Variants in TMEM183A observed in about 807,000 individuals in gnomAD.
The protein encoded by TMEM183A is transmembrane protein 183A.
A neutral mutation model predicts 46.7 loss-of-function variants in TMEM183A; 21 were observed. The observed-to-expected ratio is 0.45, with a 90% confidence interval of 0.32 to 0.65. The LOEUF (loss-of-function observed/expected upper bound fraction) is 0.65, where lower values mean the gene tolerates loss of function less well. TMEM183A is among the 30% of genes least tolerant of loss of function. The probability of loss-of-function intolerance (pLI) is 0.04; values close to 1 mark genes in which losing one functional copy is unlikely to be tolerated. For missense variants in TMEM183A, 331 were observed against 481.9 expected, an observed-to-expected ratio of 0.69 and a Z score of 2.93; for synonymous variants, 165 against 180.2, an observed-to-expected ratio of 0.92 and a Z score of 0.68.
At chr1:203,007,684 G>A (rs1310763773) in intron 1 of TMEM183A, 90 bp from the exon 2 acceptor site, 3 of 1,573,448 alleles carry the variant, frequency 1.9e-6, no homozygotes, top group East Asian at 2.3e-5. Context: ...GGGCGGCTCG[G>A]TCCGGGGGCC....
intron 3 of TMEM183A, among the ~76,000 whole-genome samples, chr1:203,014,624 CAA>C (rs71142584): frequency 2.0e-5 from 3 of 147,692 alleles, no homozygotes; most frequent in African/African-American, 5.0e-5. Flanking sequence ...GACTCTGTCC[CAA>C]AAAAAAAAAG....
Position 203,024,003 on chromosome 1 carries a change from T to C in TMEM183A, c.*963T>C, listed in dbSNP as rs566986223. 1 of 152,382 alleles carries C rather than the reference T, an allele frequency of 6.6e-6. No homozygotes were observed. The highest frequency in any genetic ancestry group is 2.1e-4 in the South Asian group (1 of 4,834). 9.4% of individuals were successfully genotyped at this position (152,382 alleles called of 1,614,324 possible). On this transcript the variant is annotated 3_prime_UTR_variant, in exon 8 of 8. Coordinates refer to ENST00000367242, the MANE Select transcript of TMEM183A (RefSeq NM_138391.6). The stretch of plus-strand genomic sequence containing the variant: ...TTAGAAGATTGATGAAATGATCTTT[T>C]AAATATGTATTTCTGAATAAAATGT...
intron 7 of TMEM183A, among the ~76,000 whole-genome samples, chr1:203,021,168 G>T (rs544343004): frequency 6.6e-6 from 1 of 151,742 alleles, no homozygotes. Context: ...AAGTAGTTAG[G>T]ACTACAGGTG....
chr1:203,016,511 G>GA (rs778684664), intron 5 of TMEM183A, among the ~76,000 whole-genome samples: 114 of 152,314 alleles, frequency 7.5e-4, no homozygotes, highest in Non-Finnish European at 1.3e-3. Flanking sequence ...TCACAGTACA[G>GA]AGGTATAACA....
rs759275192 is a variant in TMEM183A at position 203,007,459 on chromosome 1, C to T, written c.-7C>T. On this transcript the variant is annotated 5_prime_UTR_variant, in exon 1 of 8. Coordinates refer to ENST00000367242, the MANE Select transcript of TMEM183A (RefSeq NM_138391.6). ...CGGCTCCCGGGGCCGGCTCTCCGGC[C>T]GGAGACATGGCCCGGGGGCCCGGCC... 21 of 1,425,564 alleles carry T rather than the reference C, an allele frequency of 1.5e-5. No homozygotes were observed. The South Asian group carries it at 2.4e-4, about 17-fold the overall frequency. The allele number at this position is 1,425,564 out of a possible 1,614,324, so 88.3% of individuals were successfully genotyped here.
At chr1:203,012,670 C>T (rs551164363) in intron 3 of TMEM183A, among the ~76,000 whole-genome samples, 5 of 152,256 alleles carry the variant, frequency 3.3e-5, no homozygotes, top group African/African-American at 1.2e-4. Context: ...TGTAATAGCA[C>T]TCTGCTTTGT....
intron 3 of TMEM183A, among the ~76,000 whole-genome samples, chr1:203,012,144 T>C (rs1656664092): frequency 1.2e-5 from 1 of 82,850 alleles, no homozygotes; most frequent in South Asian, 4.5e-4. Context: ...TACCCCCCAC[T>C]CCATCACACA....
chr1:203,018,312 G>A (rs1325731411), intron 5 of TMEM183A, among the ~76,000 whole-genome samples, 169 bp from the exon 6 acceptor site: 1 of 152,204 alleles, frequency 6.6e-6, no homozygotes. Context: ...TGTTGCACCA[G>A]TGTCAACTTG....
At chr1:203,009,330 A>AT (rs1656321533) in intron 3 of TMEM183A, among the ~76,000 whole-genome samples, 2 of 152,300 alleles carry the variant, frequency 1.3e-5, no homozygotes, top group African/African-American at 2.4e-5. Flanking sequence ...AAAGTAGGTG[A>AT]TTTTTTTATA....
rs149612965 is a variant in TMEM183A at position 203,012,880 on chromosome 1, C to A, written c.368-2009C>A. 5.9e-3 allele frequency among the ~76,000 whole-genome samples: 899 copies of A among 152,262 alleles called. 4 individuals carry two copies. Among genetic ancestry groups the A allele is most frequent in the Non-Finnish European group, 6.9e-3 (468 of 68,026 alleles). On this transcript the variant is annotated intron_variant, in intron 3 of 7. Transcript: ENST00000367242. ...GAGTAGCAGAGACTACAGGCATGCA[C>A]CACCATGGCTGGCTAATTTTTAAGT...
At position 203,023,890 on chromosome 1, in the gene TMEM183A, G is replaced by A. The variant is rs1274774493; in HGVS notation, c.*850G>A. The A allele has an allele frequency of 6.6e-6, 1 of 152,158 alleles. No individual in the cohort carries two copies. The highest frequency in any genetic ancestry group is 1.5e-5 in the Non-Finnish European group (1 of 68,034). 9.4% of individuals were successfully genotyped at this position (152,158 alleles called of 1,614,324 possible). A position where few individuals can be genotyped will look rare whatever the true frequency, so the allele number is the denominator to read the frequency against. On this transcript the variant is annotated 3_prime_UTR_variant, in exon 8 of 8. Coordinates refer to ENST00000367242, the MANE Select transcript of TMEM183A (RefSeq NM_138391.6). ...TTGTGGTAGATGGTGGTAAAAAGGA[G>A]TAGGCAGAGTGTACATAGATAAAAA...
rs993159495 is a variant in TMEM183A, at chr1:203,023,201, G to A, written c.*161G>A. ...GGAGGGAGAAATGTTGAATCAAGAGGGAAAACAACTACTATGATTTATAAA... is the reference window on the plus strand; with the variant it reads ...GGAGGGAGAAATGTTGAATCAAGAGAGAAAACAACTACTATGATTTATAAA... On this transcript the variant is annotated 3_prime_UTR_variant, in exon 8 of 8. Coordinates refer to ENST00000367242, the MANE Select transcript of TMEM183A (RefSeq NM_138391.6). 1.5e-4 allele frequency: 79 copies of A among 523,804 alleles called. 1 individual carries two copies. The Admixed American group carries it at 1.8e-3, about 12-fold the overall frequency. 32.4% of individuals were successfully genotyped at this position (523,804 alleles called of 1,614,324 possible). A position where few individuals can be genotyped will look rare whatever the true frequency, so the allele number is the denominator to read the frequency against.
chr1:203,021,975 T>G (rs1657731300), intron 7 of TMEM183A, among the ~76,000 whole-genome samples: 1 of 152,226 alleles, frequency 6.6e-6, no homozygotes, highest in Admixed American at 6.5e-5. Context: ...ATTAATCTTT[T>G]GGGAACTGTT....
At position 203,013,901 on chromosome 1, in the gene TMEM183A, C is replaced by T. The variant is rs557565841; in HGVS notation, c.368-988C>T. Reference sequence around the variant, plus strand: ...CTCCCACGTAGCTGGATTACAGGCACGTGCCACCACGCCCAGCTAATTTTT... The same window carrying T: ...CTCCCACGTAGCTGGATTACAGGCATGTGCCACCACGCCCAGCTAATTTTT... On this transcript the variant is annotated intron_variant, in intron 3 of 7. Coordinates refer to ENST00000367242, the MANE Select transcript of TMEM183A (RefSeq NM_138391.6). This position sits in a 1 kb window ranked among gnomAD's most constrained non-coding sequence, Gnocchi z 4.0. 6.6e-5 allele frequency among the ~76,000 whole-genome samples: 10 copies of T among 151,112 alleles called. No homozygotes were observed. The highest frequency in any genetic ancestry group is 1.0e-4 in the Non-Finnish European group (7 of 67,828).
At chr1:203,014,793 T>A in intron 3 of TMEM183A, 96 bp from the exon 4 acceptor site, 1 of 1,505,218 alleles carries the variant, frequency 6.6e-7, no homozygotes, top group Admixed American at 2.1e-5. Context: ...AAAACCATTT[T>A]CTTAACTGTG....
At chr1:203,018,662 A>G (rs1657396034) in intron 6 of TMEM183A, 101 bp downstream of exon 6, 8 of 1,329,496 alleles carry the variant, frequency 6.0e-6, no homozygotes, top group South Asian at 1.3e-5. Context: ...AGTACCACAG[A>G]TTCTGGGTAA....
chr1:203,015,865 A>G lies in TMEM183A; in HGVS notation c.528-95A>G, dbSNP rs574959141. Reference sequence around the variant, plus strand: ...TATCTACTGGCCAGTGGAATAGTGCAGTAAAGTTCATACAGAGACCAGGAG... The same window carrying G: ...TATCTACTGGCCAGTGGAATAGTGCGGTAAAGTTCATACAGAGACCAGGAG... On this transcript the variant is annotated intron_variant, in intron 4 of 7. Coordinates refer to ENST00000367242, the MANE Select transcript of TMEM183A (RefSeq NM_138391.6). 7 of 1,476,668 alleles carry G rather than the reference A, an allele frequency of 4.7e-6. No individual in the cohort carries two copies. In the South Asian group the frequency reaches 6.7e-5, roughly 14 times the overall value. The allele number at this position is 1,476,668 out of a possible 1,614,324, so 91.5% of individuals were successfully genotyped here.
chr1:203,007,942 C>G, intron 2 of TMEM183A, 79 bp downstream of exon 2: 2 of 1,541,200 alleles, frequency 1.3e-6, no homozygotes, highest in Non-Finnish European at 1.8e-6. Flanking sequence ...TCTTGCAGTC[C>G]TTTAGTCGTC....
chr1:203,011,166 CTA>C (rs1156553263), intron 3 of TMEM183A, among the ~76,000 whole-genome samples: 1 of 152,080 alleles, frequency 6.6e-6, no homozygotes, highest in Non-Finnish European at 1.5e-5. Flanking sequence ...TACAGAAACT[CTA>C]TGTTTAACTT....
Sources: gnomAD v4.1 joint callset for allele counts (sites outside exome capture counted in the v4.1 genomes callset) on GRCh38, gnomAD v4.1.1 for gene constraint, Gnocchi (gnomAD v3.1) non-coding constraint, MANE v1.5 for transcripts, NCBI Gene and HGNC (gene_info 2026-07-23, HGNC 2026-07-21) for gene names.